Variants in PARD6G observed in about 807,000 individuals in gnomAD.
PARD6G encodes the protein partitioning defective 6 homolog gamma.
A neutral mutation model predicts 10.7 loss-of-function variants in PARD6G; 7 were observed. That is an observed-to-expected ratio of 0.66 (90% CI 0.37 to 1.23). PARD6G has a LOEUF of 1.23. PARD6G is among the 50% of genes most tolerant of loss of function. PARD6G has a pLI of 0.02. For missense variants in PARD6G, 548 were observed against 571.8 expected, an observed-to-expected ratio of 0.96 and a Z score of 0.42; for synonymous variants, 287 against 269.4, an observed-to-expected ratio of 1.07 and a Z score of -0.64.
In PARD6G at chr18:80,191,309, C is replaced by G. The variant is rs532835166; in HGVS notation, c.295+11401G>C. Among the ~76,000 whole-genome samples the G allele has an allele frequency of 6.2e-4, 94 of 152,276 alleles. 1 individual carries two copies. The highest frequency in any genetic ancestry group is 2.2e-3 in the African/African-American group (90 of 41,552). On this transcript the variant is annotated intron_variant, in intron 2 of 2. Coordinates refer to ENST00000353265, the MANE Select transcript of PARD6G (RefSeq NM_032510.4). Reference sequence around the variant, plus strand: ...CAGCTGCCCAGATGCGTGGCCACAGCCCAGGCCTGGCAGAGCTACATGAGG... The same window carrying G: ...CAGCTGCCCAGATGCGTGGCCACAGGCCAGGCCTGGCAGAGCTACATGAGG...
intron 2 of PARD6G, among the ~76,000 whole-genome samples, chr18:80,172,901 T>C (rs2052786495): frequency 6.6e-6 from 1 of 152,230 alleles, no homozygotes; most frequent in Non-Finnish European, 1.5e-5. Context: ...TAAGAAATCA[T>C]TGCCTAATGC....
At chr18:80,196,232 G>A (rs1005652054) in intron 2 of PARD6G, among the ~76,000 whole-genome samples, 6 of 152,110 alleles carry the variant, frequency 3.9e-5, no homozygotes, top group African/African-American at 9.7e-5. Flanking sequence ...TAATTGCTAT[G>A]CCATGTATAT....
Position 80,164,803 on chromosome 18 carries a change from G to A in PARD6G, c.296-4197C>T, listed in dbSNP as rs529619628. Reference sequence around the variant, plus strand: ...TGCCCACCTGAGCCTCAAACCAGCAGGTTTTTTATTAAGGGTGTCAAAACG... The same window carrying A: ...TGCCCACCTGAGCCTCAAACCAGCAAGTTTTTTATTAAGGGTGTCAAAACG... On this transcript the variant is annotated intron_variant, in intron 2 of 2. Transcript: ENST00000353265. 2.6e-5 allele frequency among the ~76,000 whole-genome samples: 4 copies of A among 152,266 alleles called. No homozygotes were observed. The South Asian group carries it at 8.3e-4, about 32-fold the overall frequency.
At chr18:80,234,946 C>A (rs1385459995) in intron 1 of PARD6G, among the ~76,000 whole-genome samples, 1 of 152,088 alleles carries the variant, frequency 6.6e-6, no homozygotes, top group African/African-American at 2.4e-5. Flanking sequence ...TTAGACAGAT[C>A]AACGAGACAG....
intron 2 of PARD6G, among the ~76,000 whole-genome samples, chr18:80,178,930 G>A (rs921139212): frequency 6.6e-6 from 1 of 152,200 alleles, no homozygotes; most frequent in Admixed American, 6.5e-5. Flanking sequence ...AAGAGCAGGA[G>A]ACAGGCAGAA....
chr18:80,162,170 A>G (rs546895202), intron 2 of PARD6G: 1 of 152,166 alleles, frequency 6.6e-6, no homozygotes, highest in South Asian at 2.1e-4. Flanking sequence ...CACTCAACAC[A>G]TGCTGCTCAG....
rs150022872 is a variant in PARD6G, at chr18:80,202,756, C to A, written c.249G>T (p.Ala83=). ...TGAGCAGGGGATTTGCACTAGAAAC[C>A]GCCTTGCAGAAGTTGTCATCATTGT... ...PINNDDNFCK[A]VSSANPLLRV... Residue 83 remains alanine, a synonymous_variant, in exon 2 of 3, where the codon GCG becomes GCT. Transcript: ENST00000353265. 6.2e-7 allele frequency: 1 copy of A among 1,613,556 alleles called. No homozygotes were observed. The highest frequency in any genetic ancestry group is 1.3e-5 in the African/African-American group (1 of 74,860).
At chr18:80,169,589 C>G (rs898269602) in intron 2 of PARD6G, 1 of 152,474 alleles carries the variant, frequency 6.6e-6, no homozygotes, top group Admixed American at 6.5e-5. Flanking sequence ...ACCCCAATTC[C>G]TGATCTTCCG....
At chr18:80,198,237 C>T (rs1446912612) in intron 2 of PARD6G, among the ~76,000 whole-genome samples, 1 of 152,190 alleles carries the variant, frequency 6.6e-6, no homozygotes, top group Non-Finnish European at 1.5e-5. Context: ...GGCTCTTAAC[C>T]TGGTATAAGC....
Position 80,195,559 on chromosome 18 carries a change from A to ATATATACATGTGTG in PARD6G, c.295+7150_295+7151insCACACATGTATATA, listed in dbSNP as rs1379114074. On this transcript the variant is annotated intron_variant, in intron 2 of 2. Transcript: ENST00000353265. ...AGTCTTCAAAGATACATATATATAT[A>ATATATACATGTGTG]TATATATATATATACACACATTTTT... Among the ~76,000 whole-genome samples the ATATATACATGTGTG allele has an allele frequency of 8.3e-5, 8 of 95,878 alleles. 1 individual carries two copies. Among genetic ancestry groups the ATATATACATGTGTG allele is most frequent in the Non-Finnish European group, 1.0e-4 (5 of 49,858 alleles). 62.9% of individuals were successfully genotyped at this position (95,878 alleles called of 152,430 possible). A position where few individuals can be genotyped will look rare whatever the true frequency, so the allele number is the denominator to read the frequency against.
rs1264543112 is a variant in PARD6G at position 80,231,446 on chromosome 18, G to C, written c.72+15831C>G. Among the ~76,000 whole-genome samples, 1 of 152,202 alleles carries C rather than the reference G, an allele frequency of 6.6e-6. No homozygotes were observed. Among genetic ancestry groups the C allele is most frequent in the Admixed American group, 6.5e-5 (1 of 15,284 alleles). On this transcript the variant is annotated intron_variant, in intron 1 of 2. Transcript: ENST00000353265. The surrounding 1 kb of genome is among the most constrained non-coding windows in gnomAD (Gnocchi z 4.2). ...GCATCCGAGCTGTGCTGCCCACTGG[G>C]AGCGGCTGAGGGGATGCAGGCTGGG...
At chr18:80,187,792 C>T (rs1326374672) in intron 2 of PARD6G, 1 of 152,200 alleles carries the variant, frequency 6.6e-6, no homozygotes, top group Non-Finnish European at 1.5e-5. Flanking sequence ...GGTGACTGGT[C>T]ATCATGCAAA....
intron 2 of PARD6G, among the ~76,000 whole-genome samples, chr18:80,177,635 A>G (rs1224263865): frequency 6.6e-6 from 1 of 150,946 alleles, no homozygotes; most frequent in African/African-American, 2.4e-5. Context: ...ATCAAAGTCC[A>G]AATGGGAAGC....
intron 1 of PARD6G, among the ~76,000 whole-genome samples, chr18:80,203,969 C>T (rs1008047624): frequency 2.6e-5 from 4 of 152,058 alleles, no homozygotes; most frequent in Non-Finnish European, 5.9e-5. Flanking sequence ...TTAGGTGGTC[C>T]AGGTTTGGGA....
intron 2 of PARD6G, among the ~76,000 whole-genome samples, chr18:80,179,670 T>G (rs538878013): frequency 6.6e-6 from 1 of 152,354 alleles, no homozygotes; most frequent in East Asian, 1.9e-4. Flanking sequence ...CTGCTGCCCC[T>G]GGCCACTGCC....
chr18:80,237,071 G>A (rs1275590149), intron 1 of PARD6G, among the ~76,000 whole-genome samples: 1 of 152,136 alleles, frequency 6.6e-6, no homozygotes, highest in Non-Finnish European at 1.5e-5. Context: ...AACAAAGCTG[G>A]AGGCATCAAG....
chr18:80,205,059 C>T (rs1967043170), intron 1 of PARD6G, among the ~76,000 whole-genome samples: 1 of 152,118 alleles, frequency 6.6e-6, no homozygotes, highest in South Asian at 2.1e-4. Context: ...GAAGTGGGAC[C>T]CCAGAACTTG....
In PARD6G at chr18:80,202,750, A is replaced by G; in HGVS notation, c.255T>C (p.Ser85=). ...AGACCCTGAGCAGGGGATTTGCACTAGAAACCGCCTTGCAGAAGTTGTCAT... is the reference window on the plus strand; with the variant it reads ...AGACCCTGAGCAGGGGATTTGCACTGGAAACCGCCTTGCAGAAGTTGTCAT... ...NNDDNFCKAV[S]SANPLLRVFI... The change falls in exon 2 of 3, where the codon TCT becomes TCC. Residue 85 remains serine (S), a synonymous_variant. Coordinates refer to ENST00000353265, the MANE Select transcript of PARD6G (RefSeq NM_032510.4). 6.2e-7 allele frequency: 1 copy of G among 1,613,426 alleles called. No individual in the cohort carries two copies. Among genetic ancestry groups the G allele is most frequent in the Non-Finnish European group, 8.5e-7 (1 of 1,179,838 alleles).
chr18:80,191,256 G>C (rs994618486), intron 2 of PARD6G, among the ~76,000 whole-genome samples: 8 of 152,222 alleles, frequency 5.3e-5, no homozygotes, highest in African/African-American at 1.9e-4. Context: ...CACCTCCCCA[G>C]GACCTGCAGG....
Sources: gnomAD v4.1 joint callset for allele counts (sites outside exome capture counted in the v4.1 genomes callset) on GRCh38, gnomAD v4.1.1 for gene constraint, Gnocchi (gnomAD v3.1) non-coding constraint, MANE v1.5 for transcripts, NCBI Gene and HGNC (gene_info 2026-07-23, HGNC 2026-07-21) for gene names.